The following PLAG1 variants were observed in gnomAD, a reference collection of about 807,000 sequenced individuals.
The protein encoded by PLAG1 is PLAG1 zinc finger, also known as zinc finger protein PLAG1.
In PLAG1, 7 loss-of-function variants were observed where a neutral mutation model predicts 35.5. The observed-to-expected ratio is 0.20, with a 90% CI of 0.11 to 0.37. The LOEUF is 0.37. Ranked by LOEUF, PLAG1 falls within the 10% of genes least tolerant of loss-of-function variation. The probability of loss-of-function intolerance (pLI) is 1.00; values close to 1 mark genes in which losing one functional copy is unlikely to be tolerated. For missense variants in PLAG1, 454 were observed against 602.8 expected (o/e 0.75, Z 2.58); for synonymous variants, 229 against 225.4 (o/e 1.02, Z -0.14).
chr8:56,180,797 T>G (rs1811843646), intron 1 of PLAG1, among the ~76,000 whole-genome samples: 1 of 152,160 alleles, frequency 6.6e-6, no homozygotes, highest in Non-Finnish European at 1.5e-5. Context: ...GGCAGAAAAT[T>G]TCTGCAATCT....
chr8:56,205,579 T>C (rs893390205), intron 1 of PLAG1, among the ~76,000 whole-genome samples: 2 of 151,932 alleles, frequency 1.3e-5, no homozygotes, highest in Non-Finnish European at 3.0e-5. Flanking sequence ...ATAAGATGAA[T>C]TTTTAATTTA....
At chr8:56,171,593 G>A (rs939833754) in intron 2 of PLAG1, among the ~76,000 whole-genome samples, 1 of 152,116 alleles carries the variant, frequency 6.6e-6, no homozygotes, top group African/African-American at 2.4e-5. Flanking sequence ...GGGTACATCT[G>A]GAGCCACCCA....
intron 1 of PLAG1, among the ~76,000 whole-genome samples, chr8:56,202,494 T>C (rs1812582396): frequency 6.6e-6 from 1 of 152,192 alleles, no homozygotes. Context: ...AACTTAGACA[T>C]GCGGGTATTT....
In PLAG1 at chr8:56,166,480, A is replaced by C. The variant is rs755798717; in HGVS notation, c.1266T>G (p.Phe422Leu). The C allele has an allele frequency of 6.2e-7, 1 of 1,613,924 alleles. No homozygotes were observed. Among genetic ancestry groups the C allele is most frequent in the African/African-American group, 1.3e-5 (1 of 75,034 alleles). Reference sequence around the variant, plus strand: ...GAGGACCATTTAAAGGTATGAAATTAAACAACTGAGAAAAATCCAATGCTG... The same window carrying C: ...GAGGACCATTTAAAGGTATGAAATTCAACAACTGAGAAAAATCCAATGCTG... Reference protein sequence around the residue: ...NTPALDFSQLFNFIPLNGPPY... With the variant: ...NTPALDFSQLLNFIPLNGPPY... Residue 422 changes from phenylalanine (F) to leucine (L), a missense_variant, in exon 5 of 5, where the codon TTT becomes TTG. Phe to Leu is a conservative substitution (Grantham distance 22). Coordinates refer to ENST00000316981, the MANE Select transcript of PLAG1 (RefSeq NM_002655.3).
At chr8:56,210,181 C>T (rs190656788) in intron 1 of PLAG1, among the ~76,000 whole-genome samples, 4 of 152,248 alleles carry the variant, frequency 2.6e-5, no homozygotes, top group African/African-American at 9.6e-5. Flanking sequence ...CTCCTTGGTC[C>T]CTGCAAAGTC....
At chr8:56,193,093 A>G (rs1031734095) in intron 1 of PLAG1, among the ~76,000 whole-genome samples, 1 of 152,182 alleles carries the variant, frequency 6.6e-6, no homozygotes, top group African/African-American at 2.4e-5. Context: ...CTAGATATTA[A>G]GGAATTATTG....
Position 56,197,683 on chromosome 8 carries a change from G to A in PLAG1, c.-322+13438C>T, listed in dbSNP as rs144060381. Among the ~76,000 whole-genome samples the A allele has an allele frequency of 3.3e-5, 5 of 152,266 alleles. No individual in the cohort carries two copies. The East Asian group carries it at 9.6e-4, about 29-fold the overall frequency. The stretch of plus-strand genomic sequence containing the variant: ...ACGTGTTTCTCTGTCTGGGATTGTG[G>A]GTCTCCCCTGCTCTGGGTATTCTGG... On this transcript the variant is annotated intron_variant, in intron 1 of 4. Transcript: ENST00000316981.
intron 1 of PLAG1, among the ~76,000 whole-genome samples, chr8:56,208,420 A>T (rs995083949): frequency 6.6e-6 from 1 of 152,150 alleles, no homozygotes; most frequent in Admixed American, 6.5e-5. Context: ...CCAAAATCAG[A>T]AACCACAAGA....
chr8:56,167,606 T>C lies in PLAG1; in HGVS notation c.243-103A>G, dbSNP rs188246166. On this transcript the variant is annotated intron_variant, in intron 4 of 4. Transcript: ENST00000316981. This position sits in a 1 kb window ranked among gnomAD's most constrained non-coding sequence, Gnocchi z 5.9. ...CTACTATGCTAACACAGAATTCCCTTAGTAATGGAAACTGTTTAACTTAAT... is the reference window on the plus strand; with the variant it reads ...CTACTATGCTAACACAGAATTCCCTCAGTAATGGAAACTGTTTAACTTAAT... The C allele has an allele frequency of 2.0e-4, 145 of 712,732 alleles. 1 individual carries two copies. Among genetic ancestry groups the C allele is most frequent in the Admixed American group, 5.4e-4 (19 of 35,254 alleles). The allele number at this position is 712,732 out of a possible 1,614,324, so 44.2% of individuals were successfully genotyped here.
intron 1 of PLAG1, among the ~76,000 whole-genome samples, chr8:56,205,831 T>C (rs962635741): frequency 6.6e-6 from 1 of 151,992 alleles, no homozygotes; most frequent in Non-Finnish European, 1.5e-5. Flanking sequence ...CTTGTCCTAT[T>C]AACCTAGGAC....
rs569054477 is a variant in PLAG1, at chr8:56,190,598, C to T, written c.-321-11085G>A. ...GTCCACATTCCTCTTTGGAGAAATG[C>T]TATCAGCTGAAGGGGAAGGTACAGA... On this transcript the variant is annotated intron_variant, in intron 1 of 4. Transcript: ENST00000316981. 5.3e-5 allele frequency among the ~76,000 whole-genome samples: 8 copies of T among 152,222 alleles called. No homozygotes were observed. In the South Asian group the frequency reaches 8.3e-4, roughly 16 times the overall value.
chr8:56,195,570 G>T lies in PLAG1; in HGVS notation c.-322+15551C>A, dbSNP rs988273474. On this transcript the variant is annotated intron_variant, in intron 1 of 4. Transcript: ENST00000316981. The stretch of plus-strand genomic sequence containing the variant: ...CCAGAGAGGCTGGGGTAGGGTGGTG[G>T]TGGAGCCACGACCCAGAAAGCCAGC... Among the ~76,000 whole-genome samples, 11 of 152,232 alleles carry T rather than the reference G, an allele frequency of 7.2e-5. 1 individual carries two copies. Among genetic ancestry groups the T allele is most frequent in the Non-Finnish European group, 1.3e-4 (9 of 68,040 alleles).
At chr8:56,186,631 T>C (rs34404111) in intron 1 of PLAG1, among the ~76,000 whole-genome samples, 21,601 of 151,640 alleles carry the variant, frequency 0.14, 1,779 homozygotes, top group Middle Eastern at 0.19. Context: ...CCTTGGCCTC[T>C]TAAAGTGTTG....
At chr8:56,171,649 C>CCT (rs1482494043) in intron 2 of PLAG1, among the ~76,000 whole-genome samples, 2 of 152,182 alleles carry the variant, frequency 1.3e-5, no homozygotes, top group African/African-American at 4.8e-5. Flanking sequence ...ATACTGTGCA[C>CCT]ACTAGCACAA....
At chr8:56,203,515 T>C (rs1436261358) in intron 1 of PLAG1, among the ~76,000 whole-genome samples, 1 of 152,132 alleles carries the variant, frequency 6.6e-6, no homozygotes, top group Non-Finnish European at 1.5e-5. Context: ...CTGATAGATG[T>C]GCTTAACATA....
At chr8:56,210,530 T>C (rs1812852613) in intron 1 of PLAG1, among the ~76,000 whole-genome samples, 1 of 151,768 alleles carries the variant, frequency 6.6e-6, no homozygotes, top group South Asian at 2.1e-4. Flanking sequence ...GAAAAACCTC[T>C]TTTGAAAAAG....
At chr8:56,205,520 T>A (rs1051684929) in intron 1 of PLAG1, among the ~76,000 whole-genome samples, 1 of 151,862 alleles carries the variant, frequency 6.6e-6, no homozygotes, top group African/African-American at 2.4e-5. Flanking sequence ...ATCTAATTTT[T>A]AAGGCAAAAT....
intron 1 of PLAG1, among the ~76,000 whole-genome samples, chr8:56,195,811 C>T (rs1410344661): frequency 6.6e-6 from 1 of 152,080 alleles, no homozygotes; most frequent in Non-Finnish European, 1.5e-5. Context: ...GCCCAGGGAA[C>T]CCTGGGTTGG....
chr8:56,210,445 C>T (rs1812845934), intron 1 of PLAG1, among the ~76,000 whole-genome samples: 1 of 151,624 alleles, frequency 6.6e-6, no homozygotes, highest in African/African-American at 2.4e-5. Flanking sequence ...CTCACACCTC[C>T]CTGCAGACCC....
Sources: gnomAD v4.1 joint callset for allele counts (sites outside exome capture counted in the v4.1 genomes callset) on GRCh38, gnomAD v4.1.1 for gene constraint, Gnocchi (gnomAD v3.1) non-coding constraint, MANE v1.5 for transcripts, NCBI Gene and HGNC (gene_info 2026-07-23, HGNC 2026-07-21) for gene names.